MAP2K7: variants seen among roughly 807,000 people sequenced by gnomAD.
The protein encoded by MAP2K7 is dual specificity mitogen-activated protein kinase kinase 7.
A neutral mutation model predicts 47.7 loss-of-function variants in MAP2K7; 12 were observed. That is an observed-to-expected ratio of 0.25 (90% CI 0.16 to 0.41). The LOEUF (loss-of-function observed/expected upper bound fraction) is 0.41, where lower values mean the gene tolerates loss of function less well. Ranked by LOEUF, MAP2K7 falls within the 10% of genes least tolerant of loss-of-function variation. The pLI, the probability that MAP2K7 is intolerant of heterozygous loss-of-function variation, is 1.00. For missense variants in MAP2K7, 415 were observed against 600.3 expected (o/e 0.69, Z 3.23); for synonymous variants, 299 against 243.0 (o/e 1.23, Z -2.14).
Position 7,910,961 on chromosome 19 carries a change from C to A in MAP2K7, c.676-19C>A. 1 of 1,601,498 alleles carries A rather than the reference C, an allele frequency of 6.2e-7. No homozygotes were observed. The highest frequency in any genetic ancestry group is 8.5e-7 in the Non-Finnish European group (1 of 1,171,256). On this transcript the variant is annotated intron_variant, in intron 6 of 10. Transcript: ENST00000397979. The stretch of plus-strand genomic sequence containing the variant: ...GTCTGTGCCCCCTGCCACATGCACC[C>A]CCCTCTGCGTGCCTGCAGATTGTGA...
rs769756577 is a variant in MAP2K7 at position 7,912,464 on chromosome 19, A to G, written c.*33A>G. 1 of 1,592,016 alleles carries G rather than the reference A, an allele frequency of 6.3e-7. No homozygotes were observed. Among genetic ancestry groups the G allele is most frequent in the Non-Finnish European group, 8.5e-7 (1 of 1,173,464 alleles). Reference sequence around the variant, plus strand: ...GCGGCGGCCAGCCCCACAGGGGGCCAGGGGCATGGCCACAGGCCCCCCTCC... The same window carrying G: ...GCGGCGGCCAGCCCCACAGGGGGCCGGGGGCATGGCCACAGGCCCCCCTCC... On this transcript the variant is annotated 3_prime_UTR_variant, in exon 11 of 11. Transcript: ENST00000397979.
At position 7,912,330 on chromosome 19, in the gene MAP2K7, G is replaced by A. The variant is rs1267005014; in HGVS notation, c.1159G>A (p.Glu387Lys). The part of the protein sequence containing the change: ...HSFIKRYETL[E>K]VDVASWFKDV... ...CTTCATCAAGCGCTACGAGACGCTG[G>A]AGGTGGACGTGGCGTCCTGGTTCAA... is the stretch of plus-strand genomic sequence containing the variant. Residue 387 changes from glutamate to lysine, a missense_variant, in exon 11 of 11, where the codon GAG becomes AAG. Physicochemically the swap from Glu to Lys is moderately conservative, Grantham distance 56. Coordinates refer to ENST00000397979, the MANE Select transcript of MAP2K7 (RefSeq NM_145185.4). 1 of 1,613,548 alleles carries A rather than the reference G, an allele frequency of 6.2e-7. No homozygotes were observed. The highest frequency in any genetic ancestry group is 1.3e-5 in the African/African-American group (1 of 74,948).
intron 1 of MAP2K7, chr19:7,905,877 C>G (rs748673665): frequency 6.2e-7 from 1 of 1,610,924 alleles, no homozygotes; most frequent in South Asian, 1.1e-5. Context: ...TTTATCATCG[C>G]TGCTTGGACA....
At chr19:7,910,178 G>A in intron 3 of MAP2K7, 49 bp downstream of exon 3, 1 of 1,595,840 alleles carries the variant, frequency 6.3e-7, no homozygotes, top group Non-Finnish European at 8.5e-7. Context: ...AGCCAGGCTG[G>A]ACCCATCCTG....
rs1982824620 is a variant in MAP2K7 at position 7,911,125 on chromosome 19, A to G, written c.821A>G (p.Lys274Arg). 1.9e-6 allele frequency: 3 copies of G among 1,611,866 alleles called. No individual in the cohort carries two copies. Among genetic ancestry groups the G allele is most frequent in the Non-Finnish European group, 2.5e-6 (3 of 1,179,664 alleles). Reference sequence around the variant, plus strand: ...GGCCGCCTGGTGGACTCCAAAGCCAAGACGCGGAGCGCCGGCTGTGCCGCC... The same window carrying G: ...GGCCGCCTGGTGGACTCCAAAGCCAGGACGCGGAGCGCCGGCTGTGCCGCC... The part of the protein sequence containing the change: ...ISGRLVDSKA[K>R]TRSAGCAAYM... The change falls in exon 7 of 11, where the codon AAG becomes AGG. Residue 274 changes from lysine (K) to arginine (R), a missense_variant. Around this residue, in one of 3 missense-constraint regions of MAP2K7, gnomAD observed 206 missense variants for 368.8 expected, o/e 0.56. Coordinates refer to ENST00000397979, the MANE Select transcript of MAP2K7 (RefSeq NM_145185.4).
chr19:7,907,158 T>A (rs1030070633), intron 1 of MAP2K7: 7 of 151,118 alleles, frequency 4.6e-5, no homozygotes, highest in Admixed American at 1.3e-4. Context: ...AAAAAAAAAT[T>A]TAAAAAGCGT....
At position 7,912,590 on chromosome 19, in the gene MAP2K7, C is replaced by T. The variant is rs1982969421; in HGVS notation, c.*159C>T. On this transcript the variant is annotated 3_prime_UTR_variant, in exon 11 of 11. Transcript: ENST00000397979. ...GGGGGTGCCCACCCACCCCCCCCGC[C>T]CCGGGCCTACCAAGCCCCCGCCCTT... 9.4e-6 allele frequency: 8 copies of T among 848,996 alleles called. No homozygotes were observed. The South Asian group carries it at 1.4e-4, about 15-fold the overall frequency. The allele number at this position is 848,996 out of a possible 1,614,324, so 52.6% of individuals were successfully genotyped here. A position where few individuals can be genotyped will look rare whatever the true frequency, so the allele number is the denominator to read the frequency against.
At chr19:7,904,505 G>T in intron 1 of MAP2K7, 1 of 318,508 alleles carries the variant, frequency 3.1e-6, no homozygotes, top group Non-Finnish European at 6.3e-6. Context: ...CCCGTGCAGC[G>T]ACGATCTACG....
In MAP2K7 at chr19:7,912,355, A is replaced by G. The variant is rs1334570087; in HGVS notation, c.1184A>G (p.Lys395Arg). The G allele has an allele frequency of 1.9e-6, 3 of 1,613,478 alleles. No individual in the cohort carries two copies. Among genetic ancestry groups the G allele is most frequent in the Non-Finnish European group, 2.5e-6 (3 of 1,179,994 alleles). ...TLEVDVASWF[K>R]DVMAKTESPR... is the part of the protein sequence containing the mutation. ...GAGGTGGACGTGGCGTCCTGGTTCAAGGATGTCATGGCGAAGACTGAGTCA... is the reference window on the plus strand; with the variant it reads ...GAGGTGGACGTGGCGTCCTGGTTCAGGGATGTCATGGCGAAGACTGAGTCA... Residue 395 changes from lysine to arginine, a missense_variant, in exon 11 of 11, where the codon AAG becomes AGG. Lys to Arg is a conservative substitution (Grantham distance 26). This residue lies in a region of MAP2K7 where 94 missense variants were observed against 105.2 expected (regional missense o/e 0.89). Coordinates refer to ENST00000397979, the MANE Select transcript of MAP2K7 (RefSeq NM_145185.4).
At chr19:7,904,398 G>T in intron 1 of MAP2K7, 1 of 308,802 alleles carries the variant, frequency 3.2e-6, no homozygotes, top group South Asian at 2.3e-5. Context: ...AGGTCGCCCC[G>T]AAAACACAGA....
intron 1 of MAP2K7, among the ~76,000 whole-genome samples, chr19:7,907,449 C>T (rs1054680072): frequency 6.6e-6 from 1 of 152,232 alleles, no homozygotes. Context: ...GCCGGTGCAC[C>T]TGTGGCTCCT....
intron 1 of MAP2K7, among the ~76,000 whole-genome samples, chr19:7,907,848 C>G (rs1349047592): frequency 6.6e-6 from 1 of 151,800 alleles, no homozygotes; most frequent in Admixed American, 6.6e-5. Context: ...ATGCCAGGTG[C>G]ACAGGGGTTG....
chr19:7,912,458 G>T lies in MAP2K7; in HGVS notation c.*27G>T. On this transcript the variant is annotated 3_prime_UTR_variant, in exon 11 of 11. Coordinates refer to ENST00000397979, the MANE Select transcript of MAP2K7 (RefSeq NM_145185.4). ...TGCTTGGCGGCGGCCAGCCCCACAG[G>T]GGGCCAGGGGCATGGCCACAGGCCC... 6.3e-7 allele frequency: 1 copy of T among 1,595,436 alleles called. No homozygotes were observed. Among genetic ancestry groups the T allele is most frequent in the Admixed American group, 1.7e-5 (1 of 58,650 alleles).
At chr19:7,909,980 G>A (rs41285780) in intron 2 of MAP2K7, 83 bp from the exon 3 acceptor site, 83,855 of 1,511,158 alleles carry the variant, frequency 0.055, 2,785 homozygotes, top group Admixed American at 0.11. Flanking sequence ...TGGTTAAACC[G>A]GTGGGAACCC....
Position 7,909,766 on chromosome 19 carries a change from C to T in MAP2K7, c.136C>T (p.Pro46Ser). The T allele has an allele frequency of 6.5e-7, 1 of 1,542,212 alleles. No homozygotes were observed. The highest frequency in any genetic ancestry group is 8.7e-7 in the Non-Finnish European group (1 of 1,146,140). Residue 46 changes from proline to serine, a missense_variant, in exon 2 of 11, where the codon CCG becomes TCG. Physicochemically the swap from Pro to Ser is moderately conservative, Grantham distance 74. This residue lies in a region of MAP2K7 where 115 missense variants were observed against 126.2 expected (regional missense o/e 0.91). Coordinates refer to ENST00000397979, the MANE Select transcript of MAP2K7 (RefSeq NM_145185.4). ...TCTCACCCCCCTAGCCCTGCAGCTC[C>T]CGCTGGCCAACGATGGGGGCAGCCG... ...PQRPRPTLQL[P>S]LANDGGSRSP...
intron 1 of MAP2K7, chr19:7,904,546 G>A: frequency 4.2e-6 from 1 of 240,500 alleles, no homozygotes; most frequent in South Asian, 3.2e-5. Context: ...GGGGACACCT[G>A]AGGTTACTTG....
chr19:7,909,923 G>A, intron 2 of MAP2K7, 27 bp downstream of exon 2: 1 of 1,503,150 alleles, frequency 6.7e-7, no homozygotes, highest in Non-Finnish European at 8.9e-7. Flanking sequence ...GCAGGGTTGG[G>A]TGGGAAGCAG....
chr19:7,910,010 G>A (rs1426296228), intron 2 of MAP2K7, 53 bp from the exon 3 acceptor site: 1 of 1,538,002 alleles, frequency 6.5e-7, no homozygotes, highest in East Asian at 2.4e-5. Flanking sequence ...GGACTGGGGT[G>A]GCCAACCTAA....
At chr19:7,906,188 T>C in intron 1 of MAP2K7, 1 of 349,454 alleles carries the variant, frequency 2.9e-6, no homozygotes, top group South Asian at 3.9e-5. Context: ...AACGAGAAAG[T>C]TGGGCCTGGT....
Sources: allele counts gnomAD v4.1 joint callset (sites outside exome capture counted in the v4.1 genomes callset), GRCh38; gene constraint gnomAD v4.1.1; regional missense constraint gnomAD v4.1.1; transcripts MANE v1.5; gene names NCBI Gene and HGNC (gene_info 2026-07-23, HGNC 2026-07-21).